IGSF11: variants seen among roughly 807,000 people sequenced by gnomAD.
IGSF11 encodes the protein immunoglobulin superfamily member 11, also known as CXADR like 1.
IGSF11 carries 22 observed loss-of-function variants against 41.0 expected under a neutral mutation model. The ratio of observed to expected loss-of-function variants is 0.54; its 90% CI spans 0.38 to 0.77. The LOEUF (loss-of-function observed/expected upper bound fraction) is 0.77, where lower values mean the gene tolerates loss of function less well. Ranked by LOEUF, IGSF11 falls within the 30% of genes least tolerant of loss-of-function variation. The probability of loss-of-function intolerance (pLI) is 0.00; values close to 1 mark genes in which losing one functional copy is unlikely to be tolerated. For synonymous variants in IGSF11, 219 were observed against 201.3 expected (o/e 1.09, Z -0.74); for missense variants, 444 against 530.8 (o/e 0.84, Z 1.61).
At chr3:119,059,069 A>C (rs1278373287) in intron 1 of IGSF11, among the ~76,000 whole-genome samples, 3 of 152,014 alleles carry the variant, frequency 2.0e-5, no homozygotes, top group Admixed American at 6.5e-5. Context: ...GCACATGTAT[A>C]CATATGTAAC....
At chr3:118,999,721 CACT>C (rs574270162) in intron 1 of IGSF11, among the ~76,000 whole-genome samples, 3 of 152,162 alleles carry the variant, frequency 2.0e-5, no homozygotes. Context: ...AACTTCATAA[CACT>C]ACTTAATAAT....
At chr3:118,935,995 T>C (rs1263620186) in intron 1 of IGSF11, among the ~76,000 whole-genome samples, 4 of 152,144 alleles carry the variant, frequency 2.6e-5, no homozygotes, top group Non-Finnish European at 4.4e-5. Flanking sequence ...GGTTCCTCTT[T>C]AGTATATTGA....
chr3:119,029,217 A>T (rs1238362569), intron 1 of IGSF11, among the ~76,000 whole-genome samples: 1 of 116,184 alleles, frequency 8.6e-6, no homozygotes, highest in Non-Finnish European at 1.7e-5. Flanking sequence ...CACGGTAGAC[A>T]TGGTACTGCC....
At chr3:118,913,553 C>A (rs1397352011) in intron 4 of IGSF11, among the ~76,000 whole-genome samples, 1 of 152,114 alleles carries the variant, frequency 6.6e-6, no homozygotes, top group African/African-American at 2.4e-5. Flanking sequence ...TTTATACTCA[C>A]TAAACTGCAT....
intron 1 of IGSF11, among the ~76,000 whole-genome samples, chr3:119,124,510 GACCA>G (rs1398150945): frequency 6.6e-6 from 1 of 150,580 alleles, no homozygotes; most frequent in Non-Finnish European, 1.5e-5. Context: ...TAGAGTTCGA[GACCA>G]GCCTGGCCAA....
chr3:118,956,583 T>C (rs1276447094), intron 1 of IGSF11, among the ~76,000 whole-genome samples: 1 of 152,120 alleles, frequency 6.6e-6, no homozygotes, highest in South Asian at 2.1e-4. Context: ...AGCTGATCAG[T>C]GGAGCAGTCG....
intron 1 of IGSF11, among the ~76,000 whole-genome samples, chr3:119,042,904 G>A (rs558425128): frequency 6.6e-6 from 1 of 152,274 alleles, no homozygotes; most frequent in Non-Finnish European, 1.5e-5. Context: ...TTACCAGGGG[G>A]TCCTTGTTCT....
chr3:118,924,913 A>G (rs543078288), intron 4 of IGSF11, among the ~76,000 whole-genome samples: 12 of 152,312 alleles, frequency 7.9e-5, no homozygotes, highest in Non-Finnish European at 1.5e-4. Context: ...AAATTTGAAT[A>G]TAGTTTTCAG....
intron 1 of IGSF11, among the ~76,000 whole-genome samples, chr3:119,018,882 C>T (rs941551085): frequency 6.6e-6 from 1 of 152,214 alleles, no homozygotes; most frequent in Admixed American, 6.5e-5. Flanking sequence ...GCACTGAAGG[C>T]TGGATGACTT....
intron 1 of IGSF11, among the ~76,000 whole-genome samples, chr3:119,057,879 T>A (rs1360604186): frequency 6.6e-6 from 1 of 152,210 alleles, no homozygotes; most frequent in Non-Finnish European, 1.5e-5. Context: ...GGGAAAGGAT[T>A]CCCTATTTAA....
At chr3:119,133,442 C>T (rs147721430) in intron 1 of IGSF11, among the ~76,000 whole-genome samples, 2,508 of 152,280 alleles carry the variant, frequency 0.016, 71 homozygotes, top group African/African-American at 0.057. Context: ...CTATAAACAC[C>T]TCTATGCAAA....
At chr3:118,998,356 C>A (rs964248645) in intron 1 of IGSF11, among the ~76,000 whole-genome samples, 1 of 152,170 alleles carries the variant, frequency 6.6e-6, no homozygotes, top group East Asian at 1.9e-4. Flanking sequence ...CAATAAGGAA[C>A]ATAAATGTTA....
chr3:119,055,811 A>C (rs1475986754), intron 1 of IGSF11, among the ~76,000 whole-genome samples: 2 of 152,246 alleles, frequency 1.3e-5, no homozygotes, highest in East Asian at 3.8e-4. Context: ...CTCAGGATTA[A>C]GAAACTCACT....
chr3:119,113,165 C>T (rs1378839934), intron 1 of IGSF11, among the ~76,000 whole-genome samples: 1 of 152,132 alleles, frequency 6.6e-6, no homozygotes, highest in Admixed American at 6.5e-5. Context: ...TGGGTGGGGA[C>T]AGAAATACAA....
chr3:119,021,111 G>A (rs752489839), intron 1 of IGSF11, among the ~76,000 whole-genome samples: 1 of 152,102 alleles, frequency 6.6e-6, no homozygotes, highest in Non-Finnish European at 1.5e-5. Flanking sequence ...AAATTTCTGT[G>A]ACCTCCCAAA....
At chr3:119,083,119 C>CT (rs1272341276) in intron 1 of IGSF11, among the ~76,000 whole-genome samples, 2 of 114,812 alleles carry the variant, frequency 1.7e-5, no homozygotes, top group African/African-American at 3.9e-5. Context: ...TTTTCTTTTT[C>CT]TTTTTTCTTT....
intron 1 of IGSF11, among the ~76,000 whole-genome samples, chr3:118,934,712 A>T (rs780233395): frequency 5.3e-5 from 8 of 152,118 alleles, no homozygotes; most frequent in Non-Finnish European, 7.3e-5. Flanking sequence ...CTCCTTCCTG[A>T]TGTTCCCTAT....
intron 1 of IGSF11, among the ~76,000 whole-genome samples, chr3:118,934,877 G>T (rs1943121826): frequency 6.6e-6 from 1 of 152,078 alleles, no homozygotes; most frequent in African/African-American, 2.4e-5. Context: ...CTGAGTCTTT[G>T]CTCTGTTTTC....
At chr3:119,111,265 T>C (rs1445857798) in intron 1 of IGSF11, among the ~76,000 whole-genome samples, 1 of 152,224 alleles carries the variant, frequency 6.6e-6, no homozygotes, top group East Asian at 1.9e-4. Flanking sequence ...CATAGACCCA[T>C]ATTTCTTGGA....
Sources: allele counts gnomAD v4.1 joint callset (sites outside exome capture counted in the v4.1 genomes callset), GRCh38; gene constraint gnomAD v4.1.1; transcripts MANE v1.5; gene names NCBI Gene and HGNC (gene_info 2026-07-23, HGNC 2026-07-21).